The following DNER variants were observed in gnomAD, a reference collection of about 807,000 sequenced individuals.
The protein encoded by DNER is delta and Notch-like epidermal growth factor-related receptor.
Under a neutral mutation model 78.2 loss-of-function variants are expected in DNER, and 33 were observed. That is an observed-to-expected ratio of 0.42 (90% CI 0.32 to 0.56). The LOEUF (loss-of-function observed/expected upper bound fraction) is 0.56. Among genes scored for constraint, DNER ranks in the 20% least tolerant of loss-of-function variants. DNER has a pLI of 0.11. For synonymous variants in DNER, 417 were observed against 384.8 expected, an observed-to-expected ratio of 1.08 and a Z score of -0.98; for missense variants, 918 against 975.3, an observed-to-expected ratio of 0.94 and a Z score of 0.78.
intron 1 of DNER, among the ~76,000 whole-genome samples, chr2:229,595,050 T>G (rs1449585191): frequency 6.6e-6 from 1 of 150,614 alleles, no homozygotes; most frequent in African/African-American, 2.4e-5. Flanking sequence ...AAAGTTTACA[T>G]CTAGTAACCT....
At chr2:229,398,861 C>T (rs915961342) in intron 10 of DNER, among the ~76,000 whole-genome samples, 1 of 151,746 alleles carries the variant, frequency 6.6e-6, no homozygotes, top group Non-Finnish European at 1.5e-5. Context: ...AATCCATTGA[C>T]AAAATTCAAT....
At chr2:229,531,774 A>T (rs75664326) in intron 5 of DNER, among the ~76,000 whole-genome samples, 3,881 of 152,336 alleles carry the variant, frequency 0.025, 132 homozygotes, top group African/African-American at 0.089. Context: ...TCTATCGGTG[A>T]TAAATGGACC....
intron 1 of DNER, among the ~76,000 whole-genome samples, chr2:229,671,816 G>A (rs1397067061): frequency 1.3e-5 from 2 of 152,138 alleles, no homozygotes; most frequent in African/African-American, 4.8e-5. Flanking sequence ...ATTATTCGTG[G>A]GGGCAGTAAA....
chr2:229,539,354 A>G (rs1452532171), intron 5 of DNER, among the ~76,000 whole-genome samples: 1 of 152,246 alleles, frequency 6.6e-6, no homozygotes, highest in Non-Finnish European at 1.5e-5. Context: ...AAACCAACAG[A>G]GGAGAGCATC....
intron 1 of DNER, among the ~76,000 whole-genome samples, chr2:229,661,031 C>T (rs1438633895): frequency 5.3e-5 from 8 of 152,148 alleles, no homozygotes; most frequent in African/African-American, 1.7e-4. Context: ...TCTTCATGCC[C>T]CAACCTCTTT....
At chr2:229,540,401 A>T (rs1376016165) in intron 5 of DNER, among the ~76,000 whole-genome samples, 7 of 152,160 alleles carry the variant, frequency 4.6e-5, no homozygotes, top group Non-Finnish European at 8.8e-5. Flanking sequence ...CAGTGAGTGA[A>T]CCTGGAAATA....
chr2:229,567,028 C>T (rs532059983), intron 4 of DNER, among the ~76,000 whole-genome samples: 1 of 152,322 alleles, frequency 6.6e-6, no homozygotes, highest in East Asian at 1.9e-4. Flanking sequence ...TCTCCAAGCT[C>T]CAGCCTCATG....
chr2:229,363,263 C>T (rs574573610), intron 12 of DNER, among the ~76,000 whole-genome samples: 73 of 152,356 alleles, frequency 4.8e-4, no homozygotes, highest in African/African-American at 1.6e-3. Context: ...CTCAGTCACT[C>T]GTGTGACCCA....
intron 4 of DNER, among the ~76,000 whole-genome samples, chr2:229,560,710 G>A (rs756006701): frequency 2.0e-4 from 30 of 152,106 alleles, no homozygotes; most frequent in Non-Finnish European, 3.4e-4. Context: ...GACAATGTCG[G>A]GCCAGGTGCA....
At chr2:229,470,912 T>C (rs1694911640) in intron 7 of DNER, among the ~76,000 whole-genome samples, 1 of 152,152 alleles carries the variant, frequency 6.6e-6, no homozygotes, top group African/African-American at 2.4e-5. Context: ...TACCCTGCTT[T>C]GATTCTAAAA....
intron 10 of DNER, among the ~76,000 whole-genome samples, chr2:229,394,814 A>G (rs1693097292): frequency 6.6e-6 from 1 of 152,232 alleles, no homozygotes; most frequent in African/African-American, 2.4e-5. Context: ...GATTTTCTAA[A>G]GAGCTCTATT....
chr2:229,713,196 T>C (rs1238460718), intron 1 of DNER, among the ~76,000 whole-genome samples: 2 of 152,230 alleles, frequency 1.3e-5, no homozygotes, highest in Non-Finnish European at 2.9e-5. Flanking sequence ...TACCCTGCAA[T>C]ACAGGTTTGG....
At chr2:229,507,261 A>T (rs148419016) in intron 6 of DNER, among the ~76,000 whole-genome samples, 160 of 152,338 alleles carry the variant, frequency 1.1e-3, no homozygotes, top group African/African-American at 3.5e-3. Context: ...TATGCGGTCC[A>T]TCACTGACTG....
intron 1 of DNER, among the ~76,000 whole-genome samples, chr2:229,622,717 T>C (rs535806367): frequency 6.6e-6 from 1 of 152,250 alleles, no homozygotes; most frequent in South Asian, 2.1e-4. Flanking sequence ...CCTGCATGAC[T>C]GGCTTCCTTA....
chr2:229,416,837 G>A (rs1197655644), intron 9 of DNER, among the ~76,000 whole-genome samples: 1 of 152,124 alleles, frequency 6.6e-6, no homozygotes, highest in Non-Finnish European at 1.5e-5. Flanking sequence ...AGAGTCAGGA[G>A]GGATCAGAGA....
At chr2:229,675,527 G>A (rs528735193) in intron 1 of DNER, among the ~76,000 whole-genome samples, 8 of 152,324 alleles carry the variant, frequency 5.3e-5, no homozygotes, top group African/African-American at 1.9e-4. Context: ...CAAAGGACAG[G>A]AAAAGTGGAT....
intron 1 of DNER, among the ~76,000 whole-genome samples, chr2:229,670,688 T>C (rs1020269542): frequency 6.6e-6 from 1 of 152,224 alleles, no homozygotes; most frequent in Admixed American, 6.5e-5. Context: ...TGGGATTGTA[T>C]CCAACACTGT....
intron 1 of DNER, among the ~76,000 whole-genome samples, chr2:229,709,151 T>G (rs1472303666): frequency 6.6e-6 from 1 of 152,194 alleles, no homozygotes; most frequent in Non-Finnish European, 1.5e-5. Flanking sequence ...TGGGGAAAAC[T>G]ACAATCCTTT....
At chr2:229,390,861 A>G (rs114643265) in intron 10 of DNER, among the ~76,000 whole-genome samples, 1,849 of 152,332 alleles carry the variant, frequency 0.012, 11 homozygotes, top group Non-Finnish European at 0.021. Flanking sequence ...GGCCTCTTTT[A>G]TAGATGGACA....
Sources: allele counts gnomAD v4.1 joint callset (sites outside exome capture counted in the v4.1 genomes callset), GRCh38; gene constraint gnomAD v4.1.1; transcripts MANE v1.5; gene names NCBI Gene and HGNC (gene_info 2026-07-23, HGNC 2026-07-21).